The following CHD1L variants were observed in gnomAD, a reference collection of about 807,000 sequenced individuals.
CHD1L encodes ATP-dependent chromatin remodeler CHD1L.
CHD1L carries 118 observed loss-of-function variants against 115.9 expected under a neutral mutation model. The ratio of observed to expected loss-of-function variants is 1.02; its 90% CI spans 0.88 to 1.19. The LOEUF is 1.19. CHD1L is among the 50% of genes most tolerant of loss of function. The probability of loss-of-function intolerance (pLI) is 0.00; values close to 1 mark genes in which losing one functional copy is unlikely to be tolerated. For synonymous variants in CHD1L, 411 were observed against 387.1 expected (o/e 1.06, Z -0.72); for missense variants, 1,179 against 1,065.3 (o/e 1.11, Z -1.49).
At chr1:147,246,703 C>A (rs1666726322) in intron 1 of CHD1L, among the ~76,000 whole-genome samples, 1 of 152,050 alleles carries the variant, frequency 6.6e-6, no homozygotes, top group Non-Finnish European at 1.5e-5. Context: ...GTCTTTTGCC[C>A]ATTTTAAAAT....
the CHD1L span, chr1:147,212,298 A>G: frequency 2.3e-6 from 3 of 1,276,680 alleles, no homozygotes; most frequent in Non-Finnish European, 3.3e-6. Context: ...GGCTATGTGC[A>G]GGTATCCCTA....
At position 147,269,032 on chromosome 1, in the gene CHD1L, C is replaced by T. The variant is rs184359481; in HGVS notation, c.1085+154C>T. Among the ~76,000 whole-genome samples, 10 of 152,272 alleles carry T rather than the reference C, an allele frequency of 6.6e-5. No individual in the cohort carries two copies. In the East Asian group the frequency reaches 1.7e-3, roughly 27 times the overall value. On this transcript the variant is annotated intron_variant, in intron 10 of 22. Transcript: ENST00000369258. ...CTTCTCTGTGACTACACTCCCACCC[C>T]ATTCTATCCCACTCCACCCCTTCCA...
chr1:147,210,747 T>C, the CHD1L span: 1 of 152,196 alleles, frequency 6.6e-6, no homozygotes, highest in African/African-American at 2.4e-5. Context: ...GTGTGGTATA[T>C]AGTAAACACT....
At chr1:147,178,098 A>T in the CHD1L span, 1 of 1,532,018 alleles carries the variant, frequency 6.5e-7, no homozygotes, top group Non-Finnish European at 8.8e-7. Context: ...GGCTGCCCCC[A>T]CCCCACCTCG....
the CHD1L span, among the ~76,000 whole-genome samples, chr1:147,223,332 A>G: frequency 1.3e-5 from 2 of 152,244 alleles, no homozygotes; most frequent in Non-Finnish European, 2.9e-5. Flanking sequence ...AATAAGGATG[A>G]TTGTCACATA....
chr1:147,236,867 C>G, the CHD1L span, among the ~76,000 whole-genome samples: 5 of 152,232 alleles, frequency 3.3e-5, no homozygotes, highest in African/African-American at 1.2e-4. Flanking sequence ...AGTTCTCACT[C>G]TGGTTTTTGG....
At chr1:147,232,366 T>C in the CHD1L span, among the ~76,000 whole-genome samples, 2 of 152,204 alleles carry the variant, frequency 1.3e-5, no homozygotes, top group Middle Eastern at 3.2e-3. Flanking sequence ...TCCTCTGGAA[T>C]GTGTGTAGAC....
Position 147,285,466 on chromosome 1 carries a change from A to C in CHD1L, c.1997A>C (p.Glu666Ala), listed in dbSNP as rs782246239. Reference sequence around the variant, plus strand: ...ATAGAGGAGAAGAAGAGGCAAAAGGAAGAGGCTGAACATAAGAAAAAGTAT... The same window carrying C: ...ATAGAGGAGAAGAAGAGGCAAAAGGCAGAGGCTGAACATAAGAAAAAGTAT... ...RLIEEKKRQK[E>A]EAEHKKKMAW... Residue 666 changes from glutamate to alanine, a missense_variant, in exon 17 of 23, where the codon GAA becomes GCA. Coordinates refer to ENST00000369258, the MANE Select transcript of CHD1L (RefSeq NM_004284.6). 1.2e-6 allele frequency: 2 copies of C among 1,612,692 alleles called. No homozygotes were observed. Among genetic ancestry groups the C allele is most frequent in the Non-Finnish European group, 1.7e-6 (2 of 1,179,744 alleles).
the CHD1L span, chr1:147,213,467 T>C: frequency 7.0e-5 from 112 of 1,600,510 alleles, no homozygotes; most frequent in African/African-American, 1.4e-3. Context: ...CTGCACACAG[T>C]GGTCTGAAAA....
At chr1:147,262,155 C>A in intron 6 of CHD1L, among the ~76,000 whole-genome samples, 1 of 145,260 alleles carries the variant, frequency 6.9e-6, no homozygotes, top group South Asian at 2.2e-4. Flanking sequence ...GAGATTGCGC[C>A]ACTGCACTCC....
the CHD1L span, among the ~76,000 whole-genome samples, chr1:147,205,589 C>T: frequency 8.5e-5 from 13 of 152,118 alleles, no homozygotes; most frequent in African/African-American, 3.1e-4. Flanking sequence ...TGGAACAGAA[C>T]AGAGCCCTCA....
At chr1:147,201,443 C>T in the CHD1L span, 4 of 1,614,126 alleles carry the variant, frequency 2.5e-6, no homozygotes, top group South Asian at 2.2e-5. Context: ...TTCACTTTCA[C>T]CAAGCCAGAA....
At chr1:147,193,687 AG>A in the CHD1L span, among the ~76,000 whole-genome samples, 1 of 152,134 alleles carries the variant, frequency 6.6e-6, no homozygotes, top group African/African-American at 2.4e-5. Flanking sequence ...AATGTGTTCC[AG>A]AGATTCTGGT....
chr1:147,280,303 C>T (rs1680333412), intron 15 of CHD1L, 112 bp downstream of exon 15: 2 of 1,111,586 alleles, frequency 1.8e-6, no homozygotes, highest in Admixed American at 6.1e-5. Context: ...TCTCCCTTAC[C>T]CTATTGTCAT....
At chr1:147,251,884 T>C (rs1350462994) in intron 1 of CHD1L, among the ~76,000 whole-genome samples, 3 of 152,358 alleles carry the variant, frequency 2.0e-5, no homozygotes, top group Middle Eastern at 3.4e-3. Flanking sequence ...AAATAACTTA[T>C]TTTTTAAATT....
At position 147,268,873 on chromosome 1, in the gene CHD1L, T is replaced by G; in HGVS notation, c.1080T>G (p.Tyr360Ter). ...TGGATAAGCTACTAGCATTCCTGTA[T>G]TCTGGGTAGGTGGTAGGTTCACATT... Reference protein sequence around the residue: ...HLLDKLLAFLYSGGHRVLLFS... With the variant: ...HLLDKLLAFL Residue 360 changes from tyrosine (Y) to a stop codon, truncating the protein, a stop_gained, in exon 10 of 23, where the codon TAT becomes TAG. Transcript: ENST00000369258. LOFTEE classifies it high-confidence loss of function. The G allele has an allele frequency of 4.3e-6, 7 of 1,612,172 alleles. No homozygotes were observed. The highest frequency in any genetic ancestry group is 5.9e-6 in the Non-Finnish European group (7 of 1,178,562).
At chr1:147,273,327 T>A (rs1677002208) in intron 12 of CHD1L, among the ~76,000 whole-genome samples, 1 of 152,214 alleles carries the variant, frequency 6.6e-6, no homozygotes, top group Admixed American at 6.5e-5. Flanking sequence ...AAAGACAGAT[T>A]GACATTTTTC....
At chr1:147,235,232 C>T in the CHD1L span, among the ~76,000 whole-genome samples, 1 of 152,088 alleles carries the variant, frequency 6.6e-6, no homozygotes, top group Non-Finnish European at 1.5e-5. Flanking sequence ...ACCATGGAAC[C>T]TCAATAATGA....
intron 1 of CHD1L, among the ~76,000 whole-genome samples, chr1:147,245,696 C>CTT (rs11350539): frequency 0.6 from 87,949 of 147,168 alleles, 26,549 homozygotes; most frequent in Non-Finnish European, 0.66. Flanking sequence ...GAAAATTCAA[C>CTT]TTTTTTTTTT....
Sources: allele counts gnomAD v4.1 joint callset (sites outside exome capture counted in the v4.1 genomes callset), GRCh38; gene constraint gnomAD v4.1.1; transcripts MANE v1.5; gene names NCBI Gene and HGNC (gene_info 2026-07-23, HGNC 2026-07-21).